ZNF514: variants seen among roughly 807,000 people sequenced by gnomAD.
ZNF514 encodes zinc finger protein 514.
A neutral mutation model predicts 9.7 loss-of-function variants in ZNF514; 12 were observed. The observed-to-expected ratio is 1.24, with a 90% CI of 0.79 to 2.01. The LOEUF is 2.01. Ranked by LOEUF, ZNF514 falls within the 30% of genes most tolerant of loss-of-function variation. The pLI is 0.00. For missense variants in ZNF514, 467 were observed against 465.5 expected, an observed-to-expected ratio of 1.00 and a Z score of -0.03; for synonymous variants, 158 against 163.7, an observed-to-expected ratio of 0.97 and a Z score of 0.27.
In ZNF514 at chr2:95,145,469, A is replaced by T. The variant is rs955595662; in HGVS notation, c.*3813T>A. ...GTCTGATAAGAAACATTTACAATCT[A>T]TTCTCTCTGAAGCCTGCTACCTTCT... On this transcript the variant is annotated 3_prime_UTR_variant, in exon 5 of 5. Coordinates refer to ENST00000295208, the MANE Select transcript of ZNF514 (RefSeq NM_032788.3). 6.6e-6 allele frequency among the ~76,000 whole-genome samples: 1 copy of T among 152,238 alleles called. No individual in the cohort carries two copies. The highest frequency in any genetic ancestry group is 1.5e-5 in the Non-Finnish European group (1 of 68,042).
intron 2 of ZNF514, 85 bp downstream of exon 2, chr2:95,157,266 G>GA: frequency 2.2e-6 from 2 of 904,440 alleles, no homozygotes; most frequent in Non-Finnish European, 1.6e-6. Context: ...TTCCCTTAGT[G>GA]AAAAAAGAGG....
At chr2:95,150,455 T>C (rs770891413) in intron 4 of ZNF514, among the ~76,000 whole-genome samples, 188 bp from the exon 5 acceptor site, 3 of 152,166 alleles carry the variant, frequency 2.0e-5, no homozygotes, top group African/African-American at 4.8e-5. Flanking sequence ...GAATGAGTGA[T>C]GAGCAGATGA....
the ZNF514 span, among the ~76,000 whole-genome samples, chr2:95,138,841 G>A: frequency 6.6e-6 from 1 of 152,208 alleles, no homozygotes; most frequent in Non-Finnish European, 1.5e-5. Flanking sequence ...AAGCCTCTAA[G>A]GCATTTCAGA....
In ZNF514 at chr2:95,149,348, C is replaced by T. The variant is rs540630767; in HGVS notation, c.1137G>A (p.Arg379=). 2 of 1,612,568 alleles carry T rather than the reference C, an allele frequency of 1.2e-6. No individual in the cohort carries two copies. Among genetic ancestry groups the T allele is most frequent in the East Asian group, 4.5e-5 (2 of 44,840 alleles). ...TAAGGGATGCAGTATGAGCAAAGGC[C>T]CTTCCACACTCATTACATTTGTAGG... ...EKPYKCNECG[R]AFAHTASLIK... The change falls in exon 5 of 5, where the codon AGG becomes AGA. Residue 379 remains arginine (R), a synonymous_variant. Transcript: ENST00000295208.
rs772945724 is a variant in ZNF514, at chr2:95,150,100, T to C, written c.385A>G (p.Lys129Glu). Residue 129 changes from lysine to glutamate, a missense_variant, in exon 5 of 5, where the codon AAA (lysine) becomes GAA (glutamate). By Grantham distance (56) the Lys-to-Glu change is moderately conservative (BLOSUM62 1). Transcript: ENST00000295208. ...CDGQLEMQQI[K>E]QERHLKQMST... The stretch of plus-strand genomic sequence containing the variant: ...ATTTGTTTCAGGTGTCTCTCCTGTT[T>C]TATCTGCTGCATCTCTAACTGGCCA... 32 of 1,612,994 alleles carry C rather than the reference T, an allele frequency of 2.0e-5. No individual in the cohort carries two copies. The South Asian group carries it at 3.5e-4, about 18-fold the overall frequency.
chr2:95,144,164 T>C (rs146340271), downstream of ZNF514, among the ~76,000 whole-genome samples: 4 of 152,204 alleles, frequency 2.6e-5, no homozygotes, highest in African/African-American at 7.2e-5. Flanking sequence ...AAGCAGAGTA[T>C]CTGTGTGTCA....
downstream of ZNF514, among the ~76,000 whole-genome samples, chr2:95,140,618 A>AT (rs1676812449): frequency 1.0e-4 from 15 of 149,800 alleles, no homozygotes; most frequent in Admixed American, 8.0e-4. Flanking sequence ...ATCTTGAAAA[A>AT]ATATATATAT....
Position 95,149,383 on chromosome 2 carries a change from C to T in ZNF514, c.1102G>A (p.Gly368Arg). 1.2e-6 allele frequency: 2 copies of T among 1,614,166 alleles called. No individual in the cohort carries two copies. The highest frequency in any genetic ancestry group is 1.7e-5 in the Admixed American group (1 of 60,024). ...TCATTACATTTGTAGGGTTTCTCTC[C>T]AGTGTGAAATCTGTAATGTTGAGTG... The part of the protein sequence containing the change: ...SLTQHYRFHT[G>R]EKPYKCNECG... Residue 368 changes from glycine (G) to arginine (R), a missense_variant, in exon 5 of 5, where the codon GGA becomes AGA. Coordinates refer to ENST00000295208, the MANE Select transcript of ZNF514 (RefSeq NM_032788.3).
chr2:95,154,147 C>T (rs1673619785), intron 2 of ZNF514: 1 of 152,250 alleles, frequency 6.6e-6, no homozygotes, highest in Non-Finnish European at 1.5e-5. Context: ...ATGTCATCTG[C>T]TTTCTCAAAC....
chr2:95,146,109 C>CT lies in ZNF514; in HGVS notation c.*3172dup, dbSNP rs1182731242. Among the ~76,000 whole-genome samples, 1 of 152,180 alleles carries CT rather than the reference C, an allele frequency of 6.6e-6. No individual in the cohort carries two copies. The highest frequency in any genetic ancestry group is 2.4e-5 in the African/African-American group (1 of 41,442). On this transcript the variant is annotated 3_prime_UTR_variant, in exon 5 of 5. Transcript: ENST00000295208. Reference sequence around the variant, plus strand: ...TCTGTTTTTGTTAGTCTTAAGGTCTCTGTTTTAAGGCAAATGCTGGTCAAC... The same window carrying CT: ...TCTGTTTTTGTTAGTCTTAAGGTCTCTTGTTTTAAGGCAAATGCTGGTCAAC...
intron 2 of ZNF514, 110 bp downstream of exon 2, chr2:95,157,241 A>T: frequency 1.7e-6 from 1 of 593,698 alleles, no homozygotes; most frequent in Non-Finnish European, 2.7e-6. Flanking sequence ...TCCTGCAGAG[A>T]CAGCATTGGG....
chr2:95,153,359 A>C, intron 2 of ZNF514, 100 bp from the exon 3 acceptor site: 1 of 1,251,764 alleles, frequency 8.0e-7, no homozygotes, highest in Non-Finnish European at 1.1e-6. Flanking sequence ...GCCTACAGAG[A>C]CATTCTTCTC....
chr2:95,132,508 A>T, the ZNF514 span, among the ~76,000 whole-genome samples: 1 of 152,200 alleles, frequency 6.6e-6, no homozygotes, highest in Non-Finnish European at 1.5e-5. Flanking sequence ...GGGATCACTC[A>T]TACATTGCTG....
chr2:95,127,564 GTTTTGTTTTTGTTTTTGTTT>G, the ZNF514 span, among the ~76,000 whole-genome samples: 112 of 150,636 alleles, frequency 7.4e-4, no homozygotes, highest in East Asian at 9.1e-3. Flanking sequence ...TTTTTTGGTT[GTTTTGTTTTTGTTTTTGTTT>G]TTTTGTTTTT....
At chr2:95,128,956 A>G in the ZNF514 span, among the ~76,000 whole-genome samples, 1 of 152,226 alleles carries the variant, frequency 6.6e-6, no homozygotes, top group African/African-American at 2.4e-5. Context: ...CCACTCTATC[A>G]TTCTAATCTC....
chr2:95,127,272 T>C, the ZNF514 span, among the ~76,000 whole-genome samples: 3 of 152,230 alleles, frequency 2.0e-5, no homozygotes, highest in African/African-American at 7.2e-5. Context: ...TGGGAATTGA[T>C]TGAGGAGACA....
Position 95,152,657 on chromosome 2 carries a change from T to TTCAC in ZNF514, c.217+13_217+16dup, listed in dbSNP as rs766409528. On this transcript the variant is annotated intron_variant, in intron 4 of 4. Coordinates refer to ENST00000295208, the MANE Select transcript of ZNF514 (RefSeq NM_032788.3). ...GCTGGGCCTTATCATATGCAATGCT[T>TTCAC]TCACTCACTCACTCACCTGAGTGGG... The TTCAC allele has an allele frequency of 1.4e-5, 22 of 1,610,084 alleles. No individual in the cohort carries two copies. The African/African-American group carries it at 1.9e-4, about 14-fold the overall frequency.
chr2:95,127,627 T>C, the ZNF514 span, among the ~76,000 whole-genome samples: 1 of 152,214 alleles, frequency 6.6e-6, no homozygotes, highest in East Asian at 1.9e-4. Context: ...TGTTTTGTGT[T>C]GTTTTTTGAG....
At chr2:95,156,306 CCT>C (rs1045043769) in intron 2 of ZNF514, among the ~76,000 whole-genome samples, 13 of 152,196 alleles carry the variant, frequency 8.5e-5, no homozygotes, top group South Asian at 4.1e-4. Context: ...CTGAATCCCC[CCT>C]GAGGGCCAGT....
Sources: allele counts gnomAD v4.1 joint callset (sites outside exome capture counted in the v4.1 genomes callset), GRCh38; gene constraint gnomAD v4.1.1; transcripts MANE v1.5; gene names NCBI Gene and HGNC (gene_info 2026-07-23, HGNC 2026-07-21).